The following RANBP2 variants were observed in gnomAD, a reference collection of about 807,000 sequenced individuals.
RANBP2 encodes E3 SUMO-protein ligase RanBP2.
A neutral mutation model predicts 303.6 loss-of-function variants in RANBP2; 57 were observed. That is an observed-to-expected ratio of 0.19 (90% CI 0.15 to 0.23). RANBP2 has a LOEUF of 0.23. Ranked by LOEUF, RANBP2 falls within the 10% of genes least tolerant of loss-of-function variation. The probability of loss-of-function intolerance (pLI) is 1.00; values close to 1 mark genes in which losing one functional copy is unlikely to be tolerated. For synonymous variants in RANBP2, 1,167 were observed against 1,301.5 expected (o/e 0.90, Z 2.23); for missense variants, 3,138 against 3,780.8 (o/e 0.83, Z 4.46).
chr2:108,766,044 T>C lies in RANBP2; in HGVS notation c.5505T>C (p.Ser1835=), dbSNP rs1299832753. Residue 1835 remains serine (S), a synonymous_variant, in exon 20 of 29, where the codon AGT becomes AGC. Coordinates refer to ENST00000283195, the MANE Select transcript of RANBP2 (RefSeq NM_006267.5). ...SEMKLHDSSG[S]QVGTGFKSNF... is the part of the protein sequence containing the mutation. ...TGAAGTTGCATGACTCTTCTGGAAG[T>C]CAGGTGGGAACAGGATTTAAAAGTA... The C allele has an allele frequency of 6.8e-6, 11 of 1,614,174 alleles. No homozygotes were observed. Among genetic ancestry groups the C allele is most frequent in the Non-Finnish European group, 9.3e-6 (11 of 1,180,006 alleles).
intron 7 of RANBP2, among the ~76,000 whole-genome samples, chr2:108,744,925 G>A (rs1696397716): frequency 6.6e-6 from 1 of 152,120 alleles, no homozygotes; most frequent in Non-Finnish European, 1.5e-5. Flanking sequence ...TTTAAAAGAA[G>A]GAGGAAAACA....
the RANBP2 span, among the ~76,000 whole-genome samples, chr2:109,581,347 G>T: frequency 4.0e-5 from 6 of 151,822 alleles, no homozygotes; most frequent in Non-Finnish European, 5.9e-5. Context: ...TGAGGCTTGA[G>T]AATCACCTGA....
At chr2:108,961,250 A>G in the RANBP2 span, among the ~76,000 whole-genome samples, 2 of 151,856 alleles carry the variant, frequency 1.3e-5, no homozygotes, top group African/African-American at 4.8e-5. Flanking sequence ...GATTCAGGAA[A>G]GGGAACAGTT....
At chr2:109,629,102 T>G in the RANBP2 span, among the ~76,000 whole-genome samples, 1 of 151,522 alleles carries the variant, frequency 6.6e-6, no homozygotes, top group East Asian at 1.9e-4. Flanking sequence ...CTCGGTAAGC[T>G]GAGGCAGGAG....
At chr2:109,686,932 A>T in the RANBP2 span, among the ~76,000 whole-genome samples, 1 of 152,238 alleles carries the variant, frequency 6.6e-6, no homozygotes, top group East Asian at 1.9e-4. Context: ...AAACCATTGT[A>T]GATGTGATAA....
the RANBP2 span, among the ~76,000 whole-genome samples, chr2:109,122,679 G>T: frequency 1.3e-5 from 2 of 152,066 alleles, no homozygotes; most frequent in African/African-American, 4.8e-5. Flanking sequence ...AAACCAGCCT[G>T]GTCAACATAG....
the RANBP2 span, among the ~76,000 whole-genome samples, chr2:109,340,752 A>G: frequency 6.6e-6 from 1 of 152,210 alleles, no homozygotes; most frequent in African/African-American, 2.4e-5. Context: ...GAAGCACGGA[A>G]GGGCAGATTT....
the RANBP2 span, among the ~76,000 whole-genome samples, chr2:108,958,414 A>C: frequency 1.3e-5 from 2 of 151,358 alleles, no homozygotes; most frequent in Non-Finnish European, 2.9e-5. Flanking sequence ...AGCAGGAAAA[A>C]AAAAACAAAA....
the RANBP2 span, among the ~76,000 whole-genome samples, chr2:108,798,852 C>CAG: frequency 6.7e-6 from 1 of 150,006 alleles, no homozygotes; most frequent in South Asian, 2.1e-4. Flanking sequence ...CACACACACA[C>CAG]ATTTTTTCTG....
the RANBP2 span, chr2:108,907,793 G>A: frequency 1.3e-6 from 2 of 1,588,350 alleles, no homozygotes; most frequent in Admixed American, 1.7e-5. Flanking sequence ...CAATAAGAAA[G>A]TTTTAGTCTT....
chr2:109,577,055 T>C, the RANBP2 span, among the ~76,000 whole-genome samples: 1 of 150,736 alleles, frequency 6.6e-6, no homozygotes, highest in African/African-American at 2.4e-5. Context: ...TGGATAACAA[T>C]AAAAACAAAG....
chr2:109,569,758 C>G, the RANBP2 span, among the ~76,000 whole-genome samples: 9 of 152,110 alleles, frequency 5.9e-5, no homozygotes, highest in African/African-American at 2.2e-4. Context: ...CTGCAGTAGA[C>G]TGAATACTAA....
At chr2:108,984,488 C>T in the RANBP2 span, among the ~76,000 whole-genome samples, 1 of 152,150 alleles carries the variant, frequency 6.6e-6, no homozygotes, top group African/African-American at 2.4e-5. Context: ...GTTCAACCCT[C>T]CTTTCCCTCT....
At chr2:109,304,679 C>G in the RANBP2 span, among the ~76,000 whole-genome samples, 1 of 152,322 alleles carries the variant, frequency 6.6e-6, no homozygotes, top group Non-Finnish European at 1.5e-5. Flanking sequence ...TTTGATTTCT[C>G]CGTCTCACTA....
the RANBP2 span, among the ~76,000 whole-genome samples, chr2:108,827,456 A>G: frequency 2.6e-5 from 4 of 152,236 alleles, no homozygotes; most frequent in East Asian, 7.7e-4. Context: ...GGGATTTTGC[A>G]TGTGCTGGAT....
the RANBP2 span, among the ~76,000 whole-genome samples, chr2:109,677,238 G>A: frequency 3.9e-5 from 6 of 152,090 alleles, no homozygotes; most frequent in African/African-American, 1.4e-4. Flanking sequence ...GAGTCAGTGG[G>A]TGCTCCCCAC....
At chr2:108,981,032 G>A in the RANBP2 span, among the ~76,000 whole-genome samples, 1 of 152,202 alleles carries the variant, frequency 6.6e-6, no homozygotes, top group Non-Finnish European at 1.5e-5. Flanking sequence ...CTCAGCCCGT[G>A]AGTGCATACA....
At chr2:109,082,938 G>C in the RANBP2 span, among the ~76,000 whole-genome samples, 1 of 150,074 alleles carries the variant, frequency 6.7e-6, no homozygotes, top group East Asian at 2.0e-4. Context: ...CCATTCTCCT[G>C]CCTCAGCCTC....
chr2:109,736,332 C>G, the RANBP2 span, among the ~76,000 whole-genome samples: 4 of 152,198 alleles, frequency 2.6e-5, no homozygotes, highest in Non-Finnish European at 5.9e-5. Context: ...TCCCAGGCAC[C>G]TTCCATTTCT....
Sources: allele counts gnomAD v4.1 joint callset (sites outside exome capture counted in the v4.1 genomes callset), GRCh38; gene constraint gnomAD v4.1.1; transcripts MANE v1.5; gene names NCBI Gene and HGNC (gene_info 2026-07-23, HGNC 2026-07-21).